Variants in CNTNAP4 observed in about 807,000 individuals in gnomAD.
CNTNAP4 encodes contactin-associated protein-like 4.
CNTNAP4 carries 98 observed loss-of-function variants against 148.4 expected under a neutral mutation model. That is an observed-to-expected ratio of 0.66 (90% confidence interval 0.56 to 0.78). CNTNAP4 has a LOEUF of 0.78. CNTNAP4 is among the 30% of genes least tolerant of loss of function. CNTNAP4 has a pLI of 0.00. For missense variants in CNTNAP4, 1,935 were observed against 1,565.6 expected, an observed-to-expected ratio of 1.24 and a Z score of -3.98; for synonymous variants, 730 against 565.1, an observed-to-expected ratio of 1.29 and a Z score of -4.14.
intron 2 of CNTNAP4, among the ~76,000 whole-genome samples, chr16:76,343,072 T>G (rs1012545059): frequency 6.6e-6 from 1 of 152,164 alleles, no homozygotes; most frequent in African/African-American, 2.4e-5. Flanking sequence ...AGAAGCAATT[T>G]GAAATTGGCT....
At position 76,414,376 on chromosome 16, in the gene CNTNAP4, T is replaced by C. The variant is rs529803988; in HGVS notation, c.391-13076T>C. On this transcript the variant is annotated intron_variant, in intron 3 of 23. Coordinates refer to ENST00000611870, the MANE Select transcript of CNTNAP4 (RefSeq NM_033401.5). ...TCTTGCATTCCTGGAATTAACTCGATTGAGATATGATTTATTATTTTTTCT... is the reference window on the plus strand; with the variant it reads ...TCTTGCATTCCTGGAATTAACTCGACTGAGATATGATTTATTATTTTTTCT... Among the ~76,000 whole-genome samples, 7 of 151,552 alleles carry C rather than the reference T, an allele frequency of 4.6e-5. No homozygotes were observed. The East Asian group carries it at 7.7e-4, about 17-fold the overall frequency.
intron 2 of CNTNAP4, among the ~76,000 whole-genome samples, chr16:76,340,794 C>T (rs1180640740): frequency 1.3e-5 from 2 of 152,184 alleles, no homozygotes; most frequent in Non-Finnish European, 2.9e-5. Flanking sequence ...ATTAATACAA[C>T]AACCCCAAGA....
At chr16:76,321,898 G>T (rs11861063) in intron 2 of CNTNAP4, among the ~76,000 whole-genome samples, 1 of 151,142 alleles carries the variant, frequency 6.6e-6, no homozygotes, top group Admixed American at 6.6e-5. Flanking sequence ...TATAACTTTT[G>T]TACAGGATTG....
At chr16:76,353,626 A>G (rs56166435) in intron 2 of CNTNAP4, among the ~76,000 whole-genome samples, 2,900 of 152,138 alleles carry the variant, frequency 0.019, 114 homozygotes, top group African/African-American at 0.066. Context: ...AATTCACAGG[A>G]AGCCCACCAA....
intron 21 of CNTNAP4, among the ~76,000 whole-genome samples, chr16:76,544,672 C>A (rs1337799306): frequency 6.6e-6 from 1 of 152,106 alleles, no homozygotes; most frequent in Non-Finnish European, 1.5e-5. Flanking sequence ...AAATTAAGCT[C>A]TTGAGTTCTA....
At chr16:76,379,303 A>G (rs557008839) in intron 3 of CNTNAP4, among the ~76,000 whole-genome samples, 1 of 152,334 alleles carries the variant, frequency 6.6e-6, no homozygotes, top group East Asian at 1.9e-4. Context: ...TGAGATTCAC[A>G]GAAACTCTTA....
intron 21 of CNTNAP4, among the ~76,000 whole-genome samples, chr16:76,547,685 T>C (rs866805677): frequency 6.6e-6 from 1 of 152,364 alleles, no homozygotes; most frequent in African/African-American, 2.4e-5. Context: ...TTTTCACTCG[T>C]TCCGAGTAGT....
At chr16:76,484,474 T>G (rs1461636425) in intron 12 of CNTNAP4, among the ~76,000 whole-genome samples, 1 of 152,094 alleles carries the variant, frequency 6.6e-6, no homozygotes, top group East Asian at 1.9e-4. Flanking sequence ...TTGGAACATA[T>G]TCAAACAAAA....
At chr16:76,386,411 G>C (rs2016519636) in intron 3 of CNTNAP4, among the ~76,000 whole-genome samples, 1 of 152,102 alleles carries the variant, frequency 6.6e-6, no homozygotes, top group African/African-American at 2.4e-5. Context: ...CTTGCTCTCA[G>C]TTTGGGGTTA....
chr16:76,333,192 C>T (rs1198240806), intron 2 of CNTNAP4, among the ~76,000 whole-genome samples: 1 of 152,142 alleles, frequency 6.6e-6, no homozygotes, highest in East Asian at 1.9e-4. Flanking sequence ...CGTGCCATAC[C>T]ACTAAGTGAC....
chr16:76,308,123 A>C (rs1567647030), intron 1 of CNTNAP4, among the ~76,000 whole-genome samples: 4 of 95,962 alleles, frequency 4.2e-5, no homozygotes, highest in African/African-American at 1.8e-4. Context: ...TTGCAGGAAC[A>C]TTTTTTTTTT....
chr16:76,501,965 A>T (rs1235372229), intron 15 of CNTNAP4, among the ~76,000 whole-genome samples: 1 of 151,356 alleles, frequency 6.6e-6, no homozygotes, highest in African/African-American at 2.4e-5. Flanking sequence ...GCTACTTGGG[A>T]GGCTGAGGCA....
chr16:76,473,643 A>G (rs1043013469), intron 10 of CNTNAP4, among the ~76,000 whole-genome samples: 13 of 152,044 alleles, frequency 8.6e-5, no homozygotes, highest in Admixed American at 2.6e-4. Flanking sequence ...GCGTGGTGGC[A>G]GGCACCTGTA....
At chr16:76,530,997 A>T (rs923177265) in intron 17 of CNTNAP4, among the ~76,000 whole-genome samples, 1 of 152,080 alleles carries the variant, frequency 6.6e-6, no homozygotes, top group African/African-American at 2.4e-5. Context: ...CCCCAAGTTA[A>T]TTTGTGGTTG....
chr16:76,443,268 G>A (rs1362517688), intron 4 of CNTNAP4, among the ~76,000 whole-genome samples: 3 of 151,904 alleles, frequency 2.0e-5, no homozygotes, highest in Admixed American at 2.0e-4. Context: ...TAGACTGTAG[G>A]CCTTTTACTG....
chr16:76,282,136 T>C (rs185499939), intron 1 of CNTNAP4, among the ~76,000 whole-genome samples: 3 of 152,036 alleles, frequency 2.0e-5, no homozygotes, highest in African/African-American at 7.2e-5. Flanking sequence ...CACAAATATA[T>C]ACTTGCAGAG....
chr16:76,451,855 A>C (rs532212109), intron 7 of CNTNAP4, among the ~76,000 whole-genome samples: 1 of 152,202 alleles, frequency 6.6e-6, no homozygotes, highest in Non-Finnish European at 1.5e-5. Flanking sequence ...GATTTATAGT[A>C]TATTTCAAAA....
chr16:76,478,296 A>C (rs966041422), intron 11 of CNTNAP4, among the ~76,000 whole-genome samples: 2 of 152,210 alleles, frequency 1.3e-5, no homozygotes, highest in African/African-American at 4.8e-5. Flanking sequence ...TGTACATAGA[A>C]ATGTATAAAC....
intron 21 of CNTNAP4, among the ~76,000 whole-genome samples, chr16:76,543,913 C>A (rs1418540821): frequency 2.0e-5 from 3 of 151,608 alleles, no homozygotes; most frequent in Admixed American, 1.3e-4. Context: ...TTTTGTAAGC[C>A]CAGGTGACTC....
Sources: gnomAD v4.1 joint callset for allele counts (sites outside exome capture counted in the v4.1 genomes callset) on GRCh38, gnomAD v4.1.1 for gene constraint, MANE v1.5 for transcripts, NCBI Gene and HGNC (gene_info 2026-07-23, HGNC 2026-07-21) for gene names.